The following RETREG1 variants were observed in gnomAD, a reference collection of about 807,000 sequenced individuals.
RETREG1 encodes reticulophagy regulator 1, also known as family with sequence similarity 134 member B.
A neutral mutation model predicts 54.8 loss-of-function variants in RETREG1; 44 were observed. That is an observed-to-expected ratio of 0.80 (90% CI 0.63 to 1.03). The LOEUF is 1.03. RETREG1 is among the 50% of genes least tolerant of loss of function. RETREG1 has a pLI of 0.00. For synonymous variants in RETREG1, 217 were observed against 238.5 expected (o/e 0.91, Z 0.83); for missense variants, 554 against 605.1 (o/e 0.92, Z 0.89).
chr5:16,557,307 T>C (rs534179986), intron 3 of RETREG1, among the ~76,000 whole-genome samples: 2 of 152,346 alleles, frequency 1.3e-5, no homozygotes, highest in African/African-American at 4.8e-5. Flanking sequence ...TTAAAACTCA[T>C]AATTTTTTAT....
At position 16,594,005 on chromosome 5, in the gene RETREG1, G is replaced by A. The variant is rs1355037340; in HGVS notation, c.321-21903C>T. 1.3e-5 allele frequency among the ~76,000 whole-genome samples: 2 copies of A among 152,224 alleles called. No homozygotes were observed. The highest frequency in any genetic ancestry group is 3.8e-4 in the East Asian group (2 of 5,204). Reference sequence around the variant, plus strand: ...ATTCTGGGGATGGTAGCCCATGATTGGTTCTTTGGCCAACACCCACTGTTT... The same window carrying A: ...ATTCTGGGGATGGTAGCCCATGATTAGTTCTTTGGCCAACACCCACTGTTT... On this transcript the variant is annotated intron_variant, in intron 1 of 8. Transcript: ENST00000306320. The surrounding 1 kb of genome is among the most constrained non-coding windows in gnomAD (Gnocchi z 4.4).
At chr5:16,531,635 G>A (rs543485829) in intron 3 of RETREG1, among the ~76,000 whole-genome samples, 31 of 152,246 alleles carry the variant, frequency 2.0e-4, no homozygotes, top group South Asian at 4.1e-4. Context: ...CAGGGAAGGG[G>A]TGCCTCTGTT....
chr5:16,551,617 G>A lies in RETREG1; in HGVS notation c.458+14146C>T, dbSNP rs562028100. Among the ~76,000 whole-genome samples, 7 of 152,210 alleles carry A rather than the reference G, an allele frequency of 4.6e-5. No individual in the cohort carries two copies. The South Asian group carries it at 1.2e-3, about 27-fold the overall frequency. On this transcript the variant is annotated intron_variant, in intron 3 of 8. Transcript: ENST00000306320. ...TCAGGATAAGCTCTCCCACAAATCA[G>A]GGTCAAACTTCATTCTTTCATAGAT...
intron 1 of RETREG1, among the ~76,000 whole-genome samples, chr5:16,595,211 A>G (rs185686178): frequency 6.6e-6 from 1 of 152,312 alleles, no homozygotes; most frequent in East Asian, 1.9e-4. Context: ...TTGCTGTTCT[A>G]ATAGACCCCT....
In RETREG1 at chr5:16,616,681, G is replaced by T; in HGVS notation, c.291C>A (p.Leu97=). ...LSWKRPLRSL[L]GFVAANLLFW... Reference sequence around the variant, plus strand: ...ACAGCAGGTTGGCAGCGACGAAGCCGAGCAGGCTCCGCAGCGGCCTCTTCC... The same window carrying T: ...ACAGCAGGTTGGCAGCGACGAAGCCTAGCAGGCTCCGCAGCGGCCTCTTCC... The change falls in exon 1 of 9, where the codon CTC becomes CTA. Residue 97 remains leucine, a synonymous_variant. Coordinates refer to ENST00000306320, the MANE Select transcript of RETREG1 (RefSeq NM_001034850.3). 3 of 1,596,302 alleles carry T rather than the reference G, an allele frequency of 1.9e-6. No individual in the cohort carries two copies. The highest frequency in any genetic ancestry group is 2.2e-5 in the East Asian group (1 of 44,522).
intron 3 of RETREG1, among the ~76,000 whole-genome samples, chr5:16,496,306 C>T (rs1739453708): frequency 6.6e-6 from 1 of 152,220 alleles, no homozygotes. Flanking sequence ...ATAGAAGTCC[C>T]AGGCTGATAT....
At chr5:16,492,468 TAA>T (rs74869826) in intron 3 of RETREG1, among the ~76,000 whole-genome samples, 12 of 133,798 alleles carry the variant, frequency 9.0e-5, no homozygotes, top group South Asian at 2.4e-4. Context: ...TTGACAAACT[TAA>T]AAAAAAAAAA....
At chr5:16,484,907 T>A (rs949061547) in intron 3 of RETREG1, among the ~76,000 whole-genome samples, 1 of 152,072 alleles carries the variant, frequency 6.6e-6, no homozygotes. Flanking sequence ...TATGCATCCA[T>A]TAACTCTACC....
intron 3 of RETREG1, among the ~76,000 whole-genome samples, chr5:16,519,861 C>A (rs1436077175): frequency 2.0e-5 from 3 of 152,236 alleles, no homozygotes; most frequent in Non-Finnish European, 2.9e-5. Flanking sequence ...TCAGAACTTC[C>A]ATTTTGTTCA....
At chr5:16,563,018 G>A (rs577160826) in intron 3 of RETREG1, among the ~76,000 whole-genome samples, 1 of 152,158 alleles carries the variant, frequency 6.6e-6, no homozygotes, top group African/African-American at 2.4e-5. Flanking sequence ...GGTGGGGAGT[G>A]TATGGAAAGT....
At chr5:16,582,345 G>A (rs1038235257) in intron 1 of RETREG1, among the ~76,000 whole-genome samples, 10 of 152,134 alleles carry the variant, frequency 6.6e-5, no homozygotes, top group African/African-American at 9.7e-5. Flanking sequence ...GCCTATATTC[G>A]ATAAATGTGT....
intron 3 of RETREG1, among the ~76,000 whole-genome samples, chr5:16,553,469 T>C (rs1324370259): frequency 6.6e-6 from 1 of 152,054 alleles, no homozygotes; most frequent in East Asian, 1.9e-4. Flanking sequence ...ATATACATGT[T>C]TATATTTTGT....
chr5:16,582,851 C>T (rs767163326), intron 1 of RETREG1, among the ~76,000 whole-genome samples: 3 of 152,180 alleles, frequency 2.0e-5, no homozygotes, highest in Non-Finnish European at 2.9e-5. Flanking sequence ...GGGAAAATGA[C>T]GGGCTGTCAA....
intron 8 of RETREG1, among the ~76,000 whole-genome samples, chr5:16,475,589 G>A (rs1738504637): frequency 6.6e-6 from 1 of 152,118 alleles, no homozygotes. Flanking sequence ...CCTAGGGTGG[G>A]AATTATCTTA....
chr5:16,611,891 C>G (rs1192860788), intron 1 of RETREG1, among the ~76,000 whole-genome samples: 2 of 152,166 alleles, frequency 1.3e-5, no homozygotes, highest in East Asian at 3.9e-4. Flanking sequence ...ATGGTGAAAC[C>G]CTGTCACCAC....
At chr5:16,525,827 C>T (rs1322513789) in intron 3 of RETREG1, among the ~76,000 whole-genome samples, 2 of 152,000 alleles carry the variant, frequency 1.3e-5, no homozygotes, top group Non-Finnish European at 2.9e-5. Flanking sequence ...GGCCTGAAGT[C>T]TGCACGGTAG....
At chr5:16,487,896 T>G (rs1423343870) in intron 3 of RETREG1, among the ~76,000 whole-genome samples, 1 of 152,184 alleles carries the variant, frequency 6.6e-6, no homozygotes, top group Non-Finnish European at 1.5e-5. Context: ...CTGTCCCTAT[T>G]AGAATACAAT....
rs1470271111 is a variant in RETREG1, at chr5:16,585,043, G to A, written c.321-12941C>T. ...AGAAAATGAATTATAAGCATCAGAG[G>A]AGAGGAAAAGAGGGTGGTAGGTAAT... On this transcript the variant is annotated intron_variant, in intron 1 of 8. Transcript: ENST00000306320. This position sits in a 1 kb window ranked among gnomAD's most constrained non-coding sequence, Gnocchi z 4.5. 6.6e-6 allele frequency among the ~76,000 whole-genome samples: 1 copy of A among 152,078 alleles called. No homozygotes were observed. The highest frequency in any genetic ancestry group is 1.5e-5 in the Non-Finnish European group (1 of 68,012).
At chr5:16,608,778 C>T (rs1743264098) in intron 1 of RETREG1, among the ~76,000 whole-genome samples, 1 of 152,140 alleles carries the variant, frequency 6.6e-6, no homozygotes, top group African/African-American at 2.4e-5. Flanking sequence ...GGAACTTGGA[C>T]CAGGCTGGCT....
Sources: gnomAD v4.1 joint callset for allele counts (sites outside exome capture counted in the v4.1 genomes callset) on GRCh38, gnomAD v4.1.1 for gene constraint, Gnocchi (gnomAD v3.1) non-coding constraint, MANE v1.5 for transcripts, NCBI Gene and HGNC (gene_info 2026-07-23, HGNC 2026-07-21) for gene names.